Variants in PROZ observed in about 807,000 individuals in gnomAD.
The protein encoded by PROZ is vitamin K-dependent protein Z.
A neutral mutation model predicts 34.9 loss-of-function variants in PROZ; 46 were observed. The observed-to-expected ratio is 1.32, with a 90% CI of 1.04 to 1.69. The LOEUF is 1.69. Among genes scored for constraint, PROZ ranks in the 40% most tolerant of loss-of-function variants. PROZ has a pLI of 0.00. For missense variants in PROZ, 530 were observed against 520.4 expected (o/e 1.02, Z -0.18); for synonymous variants, 195 against 208.5 (o/e 0.94, Z 0.56).
chr13:113,170,994 C>T (rs970707412), intron 7 of PROZ, among the ~76,000 whole-genome samples: 1 of 151,914 alleles, frequency 6.6e-6, no homozygotes, highest in African/African-American at 2.4e-5. Context: ...ATGATCCAGG[C>T]TCACTGCAAC....
intron 6 of PROZ, among the ~76,000 whole-genome samples, chr13:113,169,528 T>C (rs1249350253): frequency 6.6e-6 from 1 of 152,258 alleles, no homozygotes; most frequent in Non-Finnish European, 1.5e-5. Context: ...TTTTGTGCTC[T>C]ATACATACAC....
Position 113,159,254 on chromosome 13 carries a change from C to A in PROZ, c.70+524C>A. 6.5e-7 allele frequency: 1 copy of A among 1,547,990 alleles called. No homozygotes were observed. Among genetic ancestry groups the A allele is most frequent in the Non-Finnish European group, 8.7e-7 (1 of 1,144,418 alleles). ...ATTCTGACTCTGCCTGCACAGGCGT[C>A]CAGGAAAGCTGCAAGTCAAAACACC... On this transcript the variant is annotated intron_variant, in intron 1 of 7. Coordinates refer to ENST00000375547, the MANE Select transcript of PROZ (RefSeq NM_003891.3). The surrounding 1 kb of genome is among the most constrained non-coding windows in gnomAD (Gnocchi z 4.6).
rs911717202 is a variant in PROZ at position 113,159,582 on chromosome 13, A to G, written c.71-432A>G. Among the ~76,000 whole-genome samples the G allele has an allele frequency of 2.0e-5, 3 of 152,210 alleles. No homozygotes were observed. The highest frequency in any genetic ancestry group is 4.8e-5 in the African/African-American group (2 of 41,442). ...GAAATCGCAGAGCCTGCTGCAATGTATAAGTTTCTTCTTTATGTGTTTTAT... is the reference window on the plus strand; with the variant it reads ...GAAATCGCAGAGCCTGCTGCAATGTGTAAGTTTCTTCTTTATGTGTTTTAT... On this transcript the variant is annotated intron_variant, in intron 1 of 7. Coordinates refer to ENST00000375547, the MANE Select transcript of PROZ (RefSeq NM_003891.3). This position sits in a 1 kb window ranked among gnomAD's most constrained non-coding sequence, Gnocchi z 4.6.
At chr13:113,161,763 C>G (rs1294785114) in intron 3 of PROZ, among the ~76,000 whole-genome samples, 1 of 150,950 alleles carries the variant, frequency 6.6e-6, no homozygotes, top group African/African-American at 2.4e-5. Context: ...CCTGCCCCCC[C>G]GTCCTCCTCC....
In PROZ at chr13:113,159,042, G is replaced by A. The variant is rs1352839827; in HGVS notation, c.70+312G>A. Among the ~76,000 whole-genome samples the A allele has an allele frequency of 1.9e-4, 29 of 149,070 alleles. No individual in the cohort carries two copies. Among genetic ancestry groups the A allele is most frequent in the Admixed American group, 4.0e-4 (6 of 14,972 alleles). On this transcript the variant is annotated intron_variant, in intron 1 of 7. Transcript: ENST00000375547. This position sits in a 1 kb window ranked among gnomAD's most constrained non-coding sequence, Gnocchi z 4.6. ...GAGGAGTGGGGGGAGGCCTGGGTTG[G>A]GCATTGGACGAGGGGAGGGGGTGGG...
chr13:113,165,218 C>T, intron 6 of PROZ, 98 bp downstream of exon 6: 5 of 1,292,324 alleles, frequency 3.9e-6, no homozygotes, highest in Non-Finnish European at 5.5e-6. Flanking sequence ...GTGAATCAGG[C>T]ATCCTGACTT....
chr13:113,159,895 G>A lies in PROZ; in HGVS notation c.71-119G>A. The A allele has an allele frequency of 8.0e-7, 1 of 1,257,156 alleles. No homozygotes were observed. Among genetic ancestry groups the A allele is most frequent in the South Asian group, 1.2e-5 (1 of 83,342 alleles). 77.9% of individuals were successfully genotyped at this position (1,257,156 alleles called of 1,614,324 possible). On this transcript the variant is annotated intron_variant, in intron 1 of 7. Coordinates refer to ENST00000375547, the MANE Select transcript of PROZ (RefSeq NM_003891.3). This position sits in a 1 kb window ranked among gnomAD's most constrained non-coding sequence, Gnocchi z 4.6. ...GGTGGCCCTGAGGCCCTCGCAGGCTGAGAGCCTGTGGAGACGGACGGGGCT... is the reference window on the plus strand; with the variant it reads ...GGTGGCCCTGAGGCCCTCGCAGGCTAAGAGCCTGTGGAGACGGACGGGGCT...
rs530760290 is a variant in PROZ, at chr13:113,169,091, A to G, written c.574-1322A>G. Among the ~76,000 whole-genome samples, 41 of 152,008 alleles carry G rather than the reference A, an allele frequency of 2.7e-4. No individual in the cohort carries two copies. The South Asian group carries it at 8.3e-3, about 31-fold the overall frequency. ...TGCTCTGTTTTGGGACTCTAATTAC[A>G]TGTATCTTAAGCTGTTTGAAATCCC... On this transcript the variant is annotated intron_variant, in intron 6 of 7. Transcript: ENST00000375547.
At position 113,159,007 on chromosome 13, in the gene PROZ, G is replaced by A. The variant is rs3024713; in HGVS notation, c.70+277G>A. Among the ~76,000 whole-genome samples, 23,072 of 148,606 alleles carry A rather than the reference G, an allele frequency of 0.16. 2,235 individuals are homozygous for A. Among genetic ancestry groups the A allele is most frequent in the South Asian group, 0.4 (1,788 of 4,492 alleles). ...CGGGAAAGGCCGGGGAGAGGGGAGGGGGAAAGGGGGAGGAGTGGGGGGAGG... is the reference window on the plus strand; with the variant it reads ...CGGGAAAGGCCGGGGAGAGGGGAGGAGGAAAGGGGGAGGAGTGGGGGGAGG... On this transcript the variant is annotated intron_variant, in intron 1 of 7. Coordinates refer to ENST00000375547, the MANE Select transcript of PROZ (RefSeq NM_003891.3). The surrounding 1 kb of genome is among the most constrained non-coding windows in gnomAD (Gnocchi z 4.6).
At chr13:113,160,333 T>C (rs565765423) in intron 2 of PROZ, among the ~76,000 whole-genome samples, 156 bp downstream of exon 2, 1 of 152,030 alleles carries the variant, frequency 6.6e-6, no homozygotes, top group African/African-American at 2.4e-5. Context: ...GGAAACAATT[T>C]AGAGAATCGA....
intron 3 of PROZ, 58 bp downstream of exon 3, chr13:113,161,030 G>T (rs2036750736): frequency 6.7e-7 from 1 of 1,499,418 alleles, no homozygotes; most frequent in African/African-American, 1.4e-5. Flanking sequence ...AGGTGCGTGG[G>T]TGGGCTTAGG....
intron 6 of PROZ, among the ~76,000 whole-genome samples, chr13:113,167,079 A>G (rs1377776091): frequency 3.3e-5 from 5 of 152,202 alleles, no homozygotes; most frequent in Admixed American, 3.3e-4. Context: ...CCTAAAACAA[A>G]CTTTGAAAAG....
rs2037097052 is a variant in PROZ at position 113,171,086 on chromosome 13, C to T, written c.692-508C>T. On this transcript the variant is annotated intron_variant, in intron 7 of 7. Transcript: ENST00000375547. The surrounding 1 kb of genome is among the most constrained non-coding windows in gnomAD (Gnocchi z 5.1). The stretch of plus-strand genomic sequence containing the variant: ...TACAGGCATGCACCACCATATCCCA[C>T]TAATTTTTTGTATTTTTAGTAGAAA... 6.6e-6 allele frequency among the ~76,000 whole-genome samples: 1 copy of T among 152,106 alleles called. No homozygotes were observed. Among genetic ancestry groups the T allele is most frequent in the South Asian group, 2.1e-4 (1 of 4,824 alleles).
At chr13:113,164,348 GACA>G (rs1335721034) in intron 4 of PROZ, among the ~76,000 whole-genome samples, 162 bp from the exon 5 acceptor site, 1 of 152,138 alleles carries the variant, frequency 6.6e-6, no homozygotes, top group African/African-American at 2.4e-5. Flanking sequence ...TGACACAGAG[GACA>G]ACGATCTGAA....
At position 113,170,235 on chromosome 13, in the gene PROZ, T is replaced by C. The variant is rs3024766; in HGVS notation, c.574-178T>C. The stretch of plus-strand genomic sequence containing the variant: ...AACAAAAGCTTAGACTGTCAACAAT[T>C]CGTTAACAATCCTGTACCATTTGAG... On this transcript the variant is annotated intron_variant, in intron 6 of 7. Coordinates refer to ENST00000375547, the MANE Select transcript of PROZ (RefSeq NM_003891.3). Among the ~76,000 whole-genome samples, 249 of 145,178 alleles carry C rather than the reference T, an allele frequency of 1.7e-3. 1 individual carries two copies. Among genetic ancestry groups the C allele is most frequent in the African/African-American group, 6.2e-3 (243 of 39,188 alleles).
chr13:113,163,788 C>A (rs1164516025), intron 4 of PROZ, among the ~76,000 whole-genome samples: 1 of 151,816 alleles, frequency 6.6e-6, no homozygotes, highest in Admixed American at 6.6e-5. Flanking sequence ...GGTGGAAAGC[C>A]CCCATCCCAG....
intron 4 of PROZ, among the ~76,000 whole-genome samples, chr13:113,164,030 G>C (rs1478199793): frequency 1.3e-5 from 2 of 151,072 alleles, no homozygotes; most frequent in African/African-American, 2.4e-5. Context: ...CCAGGCTGGA[G>C]TGCAGTGACG....
chr13:113,167,783 T>C (rs2036983615), intron 6 of PROZ, among the ~76,000 whole-genome samples: 1 of 152,154 alleles, frequency 6.6e-6, no homozygotes, highest in Non-Finnish European at 1.5e-5. Flanking sequence ...ATTTTACATT[T>C]ATTGTAATTG....
Position 113,159,089 on chromosome 13 carries a change from A to G in PROZ, c.70+359A>G. 1.1e-6 allele frequency: 1 copy of G among 883,520 alleles called. No individual in the cohort carries two copies. Among genetic ancestry groups the G allele is most frequent in the East Asian group, 2.7e-5 (1 of 37,658 alleles). The allele number at this position is 883,520 out of a possible 1,614,324, so 54.7% of individuals were successfully genotyped here. The stretch of plus-strand genomic sequence containing the variant: ...TGGGGCAGGCTGAGCCCAGACTGCA[A>G]TGTGGGCAGAGAGAGCCTTGGCCAG... On this transcript the variant is annotated intron_variant, in intron 1 of 7. Transcript: ENST00000375547. The surrounding 1 kb of genome is among the most constrained non-coding windows in gnomAD (Gnocchi z 4.6).
Sources: gnomAD v4.1 joint callset for allele counts (sites outside exome capture counted in the v4.1 genomes callset) on GRCh38, gnomAD v4.1.1 for gene constraint, Gnocchi (gnomAD v3.1) non-coding constraint, MANE v1.5 for transcripts, NCBI Gene and HGNC (gene_info 2026-07-23, HGNC 2026-07-21) for gene names.